The following KCTD3 variants were observed in gnomAD, a reference collection of about 807,000 sequenced individuals.
KCTD3 encodes BTB/POZ domain-containing protein KCTD3.
In KCTD3, 41 loss-of-function variants were observed where a neutral mutation model predicts 85.8. The ratio of observed to expected loss-of-function variants is 0.48; its 90% CI spans 0.37 to 0.62. The LOEUF (loss-of-function observed/expected upper bound fraction) is 0.62. Among genes scored for constraint, KCTD3 ranks in the 20% least tolerant of loss-of-function variants. KCTD3 has a pLI of 0.00. For missense variants in KCTD3, 724 were observed against 989.9 expected, an observed-to-expected ratio of 0.73 and a Z score of 3.60; for synonymous variants, 338 against 345.4, an observed-to-expected ratio of 0.98 and a Z score of 0.24.
At position 215,619,276 on chromosome 1, in the gene KCTD3, G is replaced by A. The variant is rs771201972; in HGVS notation, c.1871G>A (p.Arg624Gln). 8.1e-6 allele frequency: 13 copies of A among 1,613,004 alleles called. No homozygotes were observed. Among genetic ancestry groups the A allele is most frequent in the Admixed American group, 5.0e-5 (3 of 59,868 alleles). ...ATSVVQHSHL[R>Q]ESNSSLQLQH... is the part of the protein sequence containing the mutation. ...TCCGTAGTTCAGCATAGCCACTTACGAGAATCAAATTCTAGGTAGGTTAAA... is the reference window on the plus strand; with the variant it reads ...TCCGTAGTTCAGCATAGCCACTTACAAGAATCAAATTCTAGGTAGGTTAAA... Residue 624 changes from arginine (R) to glutamine (Q), a missense_variant, in exon 17 of 18, where the codon CGA becomes CAA. This residue lies in a region of KCTD3 where 136 missense variants were observed against 197.6 expected (regional missense o/e 0.69). Transcript: ENST00000259154.
intron 14 of KCTD3, 30 bp from the exon 15 acceptor site, chr1:215,611,795 A>T (rs777149420): frequency 7.1e-7 from 1 of 1,402,978 alleles, no homozygotes; most frequent in Non-Finnish European, 9.9e-7. Context: ...ATTTTAATTA[A>T]TTTTTTGACA....
At chr1:215,614,234 T>C (rs747110522) in intron 15 of KCTD3, among the ~76,000 whole-genome samples, 30 of 151,912 alleles carry the variant, frequency 2.0e-4, no homozygotes, top group Non-Finnish European at 3.4e-4. Flanking sequence ...GGTTTCACTG[T>C]GTTAGCCAGG....
At chr1:215,585,547 T>C (rs1045448359) in intron 8 of KCTD3, among the ~76,000 whole-genome samples, 22 of 152,212 alleles carry the variant, frequency 1.4e-4, no homozygotes, top group African/African-American at 4.8e-4. Flanking sequence ...TTCTTTTCCT[T>C]CATCTTCTAT....
At chr1:215,591,335 CTTCCTTCCTTCT>C (rs1459878474) in intron 9 of KCTD3, among the ~76,000 whole-genome samples, 8 of 136,076 alleles carry the variant, frequency 5.9e-5, no homozygotes, top group East Asian at 2.3e-4. Flanking sequence ...TCCTTCCTTC[CTTCCTTCCTTCT>C]CTCTTTCTCT....
chr1:215,619,118 C>T, intron 16 of KCTD3, 35 bp from the exon 17 acceptor site: 1 of 1,608,928 alleles, frequency 6.2e-7, no homozygotes, highest in Non-Finnish European at 8.5e-7. Flanking sequence ...AAGCTTTTCA[C>T]TTAAGTGATT....
chr1:215,597,136 CT>C (rs1487661501), intron 10 of KCTD3, among the ~76,000 whole-genome samples: 2 of 150,902 alleles, frequency 1.3e-5, no homozygotes, highest in Non-Finnish European at 2.9e-5. Flanking sequence ...TGTATGTAAT[CT>C]TAAAAGTTTT....
intron 2 of KCTD3, 101 bp from the exon 3 acceptor site, chr1:215,573,972 G>A: frequency 9.9e-7 from 1 of 1,011,486 alleles, no homozygotes; most frequent in African/African-American, 1.6e-5. Flanking sequence ...TTGGAAGATA[G>A]ATAACTTACT....
intron 10 of KCTD3, among the ~76,000 whole-genome samples, chr1:215,601,219 G>A (rs1275568427): frequency 6.6e-6 from 1 of 151,954 alleles, no homozygotes; most frequent in African/African-American, 2.4e-5. Context: ...AATATGGGAA[G>A]GTATTAATTT....
chr1:215,597,664 A>G (rs1004812065), intron 10 of KCTD3, among the ~76,000 whole-genome samples: 1 of 152,178 alleles, frequency 6.6e-6, no homozygotes. Flanking sequence ...TCTGGGAACA[A>G]GAATTCAAAG....
At chr1:215,603,212 ACTT>A (rs959537146) in intron 12 of KCTD3, among the ~76,000 whole-genome samples, 1 of 152,084 alleles carries the variant, frequency 6.6e-6, no homozygotes, top group Non-Finnish European at 1.5e-5. Flanking sequence ...AAATCAAAGC[ACTT>A]CTTTTGTAGT....
chr1:215,582,190 G>A (rs1466309375), intron 8 of KCTD3, among the ~76,000 whole-genome samples: 1 of 152,164 alleles, frequency 6.6e-6, no homozygotes, highest in Non-Finnish European at 1.5e-5. Flanking sequence ...ATTATGTTCT[G>A]ACAATTTATT....
chr1:215,603,907 A>T (rs1312287482), intron 12 of KCTD3, among the ~76,000 whole-genome samples: 1 of 152,172 alleles, frequency 6.6e-6, no homozygotes, highest in Non-Finnish European at 1.5e-5. Context: ...CAGGAGGTGA[A>T]TAGTTACGTC....
chr1:215,613,247 G>A (rs1015618321), intron 15 of KCTD3, among the ~76,000 whole-genome samples: 5 of 152,298 alleles, frequency 3.3e-5, no homozygotes, highest in South Asian at 4.1e-4. Context: ...TGAATGAGAC[G>A]GAGTCTTGCT....
intron 9 of KCTD3, among the ~76,000 whole-genome samples, chr1:215,592,364 AT>A (rs372740101): frequency 0.025 from 3,561 of 144,390 alleles, 105 homozygotes; most frequent in African/African-American, 0.063. Flanking sequence ...TATTTTGTCC[AT>A]TTTTTTTTTT....
In KCTD3 at chr1:215,568,908, C is replaced by A. The variant is rs181428409; in HGVS notation, c.83+1140C>A. Reference sequence around the variant, plus strand: ...AACGTTATTGCAGTTGTATAGAAACCAGTCTTATGGAGATTTATGTCTCCT... The same window carrying A: ...AACGTTATTGCAGTTGTATAGAAACAAGTCTTATGGAGATTTATGTCTCCT... On this transcript the variant is annotated intron_variant, in intron 1 of 17. Transcript: ENST00000259154. Among the ~76,000 whole-genome samples, 5 of 152,014 alleles carry A rather than the reference C, an allele frequency of 3.3e-5. No homozygotes were observed. The East Asian group carries it at 9.7e-4, about 29-fold the overall frequency.
chr1:215,580,511 T>C (rs1659776440), intron 8 of KCTD3, among the ~76,000 whole-genome samples: 1 of 152,158 alleles, frequency 6.6e-6, no homozygotes, highest in Non-Finnish European at 1.5e-5. Context: ...AGTTTGGTTT[T>C]ACTAATGCTT....
chr1:215,594,300 G>A (rs1660328937), intron 9 of KCTD3, among the ~76,000 whole-genome samples: 1 of 152,222 alleles, frequency 6.6e-6, no homozygotes, highest in Non-Finnish European at 1.5e-5. Flanking sequence ...CTGACTCCTA[G>A]TGCAGTACTC....
At position 215,608,039 on chromosome 1, in the gene KCTD3, C is replaced by G. The variant is rs1184841983; in HGVS notation, c.1332C>G (p.Val444=). Residue 444 remains valine, a synonymous_variant, in exon 14 of 18, where the codon GTC becomes GTG. Coordinates refer to ENST00000259154, the MANE Select transcript of KCTD3 (RefSeq NM_016121.5). The part of the protein sequence containing the change: ...LVSVCADNNH[V]RTWTVTRFRG... Reference sequence around the variant, plus strand: ...TAGTCTGTGCAGATAATAATCATGTCCGGACGTGGACAGTAACACGATTCA... The same window carrying G: ...TAGTCTGTGCAGATAATAATCATGTGCGGACGTGGACAGTAACACGATTCA... 2 of 1,610,046 alleles carry G rather than the reference C, an allele frequency of 1.2e-6. No individual in the cohort carries two copies. The highest frequency in any genetic ancestry group is 2.7e-5 in the African/African-American group (2 of 74,674).
rs1238386486 is a variant in KCTD3, at chr1:215,608,052, G to T, written c.1345G>T (p.Val449Leu). 6.2e-7 allele frequency: 1 copy of T among 1,611,648 alleles called. No individual in the cohort carries two copies. The highest frequency in any genetic ancestry group is 1.1e-5 in the South Asian group (1 of 90,940). The part of the protein sequence containing the change: ...ADNNHVRTWT[V>L]TRFRGMISTQ... Reference sequence around the variant, plus strand: ...TAATAATCATGTCCGGACGTGGACAGTAACACGATTCAGAGGAATGATCTC... The same window carrying T: ...TAATAATCATGTCCGGACGTGGACATTAACACGATTCAGAGGAATGATCTC... The change falls in exon 14 of 18, where the codon GTA (valine) becomes TTA (leucine). Residue 449 changes from valine (V) to leucine (L), a missense_variant. Physicochemically the swap from Val to Leu is conservative, Grantham distance 32. Coordinates refer to ENST00000259154, the MANE Select transcript of KCTD3 (RefSeq NM_016121.5).
Sources: allele counts gnomAD v4.1 joint callset (sites outside exome capture counted in the v4.1 genomes callset), GRCh38; gene constraint gnomAD v4.1.1; regional missense constraint gnomAD v4.1.1; transcripts MANE v1.5; gene names NCBI Gene and HGNC (gene_info 2026-07-23, HGNC 2026-07-21).